The following FYN variants were observed in gnomAD, a reference collection of about 807,000 sequenced individuals.
The protein encoded by FYN is FYN proto-oncogene, Src family tyrosine kinase.
Under a neutral mutation model 70.2 loss-of-function variants are expected in FYN, and 10 were observed. The observed-to-expected ratio is 0.14, with a 90% CI of 0.09 to 0.24. FYN has a LOEUF of 0.24. Among genes scored for constraint, FYN ranks in the 10% least tolerant of loss-of-function variants. The pLI is 1.00. For synonymous variants in FYN, 236 were observed against 248.6 expected (o/e 0.95, Z 0.48); for missense variants, 319 against 673.1 (o/e 0.47, Z 5.82).
chr6:111,708,068 G>T, intron 5 of FYN, 48 bp from the exon 6 acceptor site: 1 of 1,395,956 alleles, frequency 7.2e-7, no homozygotes, highest in Non-Finnish European at 1.0e-6. Context: ...TCAACAGCTT[G>T]CAGTTAGAGA....
intron 4 of FYN, among the ~76,000 whole-genome samples, chr6:111,714,845 TTTC>T (rs1457936907): frequency 6.6e-6 from 1 of 152,228 alleles, no homozygotes; most frequent in Non-Finnish European, 1.5e-5. Context: ...CCTATGTTAG[TTTC>T]TGGGTAAAAT....
chr6:111,723,920 G>A (rs1801069919), intron 3 of FYN, among the ~76,000 whole-genome samples: 1 of 152,168 alleles, frequency 6.6e-6, no homozygotes. Flanking sequence ...AATACCACAT[G>A]CCATGAACTC....
At chr6:111,787,425 A>G (rs1039498994) in intron 2 of FYN, among the ~76,000 whole-genome samples, 6 of 152,136 alleles carry the variant, frequency 3.9e-5, no homozygotes, top group Non-Finnish European at 8.8e-5. Flanking sequence ...ATTGGTCTAT[A>G]TCTCTGTTTT....
At chr6:111,791,387 G>A (rs770865094) in intron 2 of FYN, among the ~76,000 whole-genome samples, 58 of 152,120 alleles carry the variant, frequency 3.8e-4, no homozygotes, top group Admixed American at 1.3e-4. Context: ...AGATTGAACC[G>A]TGTCCCCCAA....
intron 2 of FYN, among the ~76,000 whole-genome samples, chr6:111,826,915 GA>G (rs1435631918): frequency 6.6e-6 from 1 of 152,174 alleles, no homozygotes; most frequent in African/African-American, 2.4e-5. Context: ...TACAGAGCTG[GA>G]AGGGACCTTA....
At chr6:111,701,140 G>A (rs755131016) in intron 8 of FYN, among the ~76,000 whole-genome samples, 11 of 152,070 alleles carry the variant, frequency 7.2e-5, no homozygotes, top group Non-Finnish European at 1.3e-4. Flanking sequence ...GTTAACACTC[G>A]GAGGTTTTTA....
At chr6:111,806,201 A>G (rs1353633180) in intron 2 of FYN, among the ~76,000 whole-genome samples, 1 of 152,208 alleles carries the variant, frequency 6.6e-6, no homozygotes, top group Non-Finnish European at 1.5e-5. Context: ...GAGATGAAAT[A>G]CAATTGCACG....
rs756230899 is a variant in FYN, at chr6:111,661,885, C to T, written c.1468G>A (p.Asp490Asn). Residue 490 changes from aspartate to asparagine, a missense_variant, in exon 14 of 14, where the codon GAC becomes AAC. Physicochemically the swap from Asp to Asn is conservative, Grantham distance 23. This residue lies in a region of FYN where 64 missense variants were observed against 223.0 expected (regional missense o/e 0.29). Coordinates refer to ENST00000354650, the MANE Select transcript of FYN (RefSeq NM_002037.5). The surrounding 1 kb of genome is among the most constrained non-coding windows in gnomAD (Gnocchi z 4.0). Reference sequence around the variant, plus strand: ...AGCTCATGCAGAGAGATGGGGCAGTCCTGCGGGCAGGGCATCCTGTAGCCT... The same window carrying T: ...AGCTCATGCAGAGAGATGGGGCAGTTCTGCGGGCAGGGCATCCTGTAGCCT... ...ERGYRMPCPQ[D>N]CPISLHELMI... 2 of 1,614,136 alleles carry T rather than the reference C, an allele frequency of 1.2e-6. No homozygotes were observed. Among genetic ancestry groups the T allele is most frequent in the South Asian group, 1.1e-5 (1 of 91,084 alleles).
chr6:111,707,411 A>G (rs770862859), intron 6 of FYN, among the ~76,000 whole-genome samples: 2 of 152,224 alleles, frequency 1.3e-5, no homozygotes, highest in Non-Finnish European at 2.9e-5. Flanking sequence ...AAATCACTGT[A>G]GTATTTCCCA....
intron 6 of FYN, among the ~76,000 whole-genome samples, chr6:111,704,628 C>T (rs908586937): frequency 6.6e-6 from 1 of 152,012 alleles, no homozygotes; most frequent in Non-Finnish European, 1.5e-5. Flanking sequence ...GTGGTGGGCA[C>T]CTGTAATCCC....
chr6:111,843,859 C>T (rs759601599), intron 2 of FYN, among the ~76,000 whole-genome samples: 1 of 152,086 alleles, frequency 6.6e-6, no homozygotes, highest in Admixed American at 6.6e-5. Context: ...GCGGCCGTGG[C>T]GATAGGGCAA....
At chr6:111,741,616 A>T (rs80334795) in intron 3 of FYN, among the ~76,000 whole-genome samples, 1 of 46,174 alleles carries the variant, frequency 2.2e-5, no homozygotes, top group Non-Finnish European at 4.5e-5. Context: ...AAATGGTGAC[A>T]ACAGCTGGCT....
At chr6:111,851,693 G>C (rs182704589) in intron 1 of FYN, among the ~76,000 whole-genome samples, 1 of 152,108 alleles carries the variant, frequency 6.6e-6, no homozygotes, top group East Asian at 1.9e-4. Context: ...TCTGCTCTGC[G>C]ATTGGGTGGG....
At chr6:111,786,640 ACT>A (rs1272274933) in intron 2 of FYN, among the ~76,000 whole-genome samples, 7 of 152,228 alleles carry the variant, frequency 4.6e-5, no homozygotes, top group Non-Finnish European at 1.0e-4. Flanking sequence ...GAATCGCCAC[ACT>A]GTCTTTCACA....
At chr6:111,800,881 C>G (rs1004900972) in intron 2 of FYN, among the ~76,000 whole-genome samples, 1 of 152,146 alleles carries the variant, frequency 6.6e-6, no homozygotes, top group African/African-American at 2.4e-5. Context: ...AGCAGACAGA[C>G]AAGTATAAAT....
chr6:111,787,841 G>A (rs977502614), intron 2 of FYN, among the ~76,000 whole-genome samples: 3 of 152,220 alleles, frequency 2.0e-5, no homozygotes, highest in African/African-American at 7.2e-5. Flanking sequence ...CCAGCTCCCA[G>A]GAAACTCAGG....
At position 111,795,186 on chromosome 6, in the gene FYN, A is replaced by G. The variant is rs146669458; in HGVS notation, c.-81-14551T>C. Among the ~76,000 whole-genome samples, 231 of 146,160 alleles carry G rather than the reference A, an allele frequency of 1.6e-3. 1 individual carries two copies. The East Asian group carries it at 0.021, about 13-fold the overall frequency. ...CCCTAGCACACATCAGAATGTGACT[A>G]TATTTGCAGACAGGCCTTTAAAGAG... On this transcript the variant is annotated intron_variant, in intron 2 of 13. Transcript: ENST00000354650.
At chr6:111,823,437 T>C (rs1303242261) in intron 2 of FYN, among the ~76,000 whole-genome samples, 1 of 152,190 alleles carries the variant, frequency 6.6e-6, no homozygotes, top group African/African-American at 2.4e-5. Context: ...AGACAAAATA[T>C]GGGGGCCACC....
At chr6:111,730,526 AG>A in intron 3 of FYN, among the ~76,000 whole-genome samples, 1 of 152,312 alleles carries the variant, frequency 6.6e-6, no homozygotes, top group East Asian at 1.9e-4. Flanking sequence ...AGGAAGGTGG[AG>A]AGGATGAAAC....
Sources: gnomAD v4.1 joint callset for allele counts (sites outside exome capture counted in the v4.1 genomes callset) on GRCh38, gnomAD v4.1.1 for gene constraint, gnomAD v4.1.1 regional missense constraint, Gnocchi (gnomAD v3.1) non-coding constraint, MANE v1.5 for transcripts, NCBI Gene and HGNC (gene_info 2026-07-23, HGNC 2026-07-21) for gene names.